PLEKHM2: variants seen among roughly 807,000 people sequenced by gnomAD.
PLEKHM2 encodes pleckstrin homology and RUN domain containing M2.
PLEKHM2 carries 77 observed loss-of-function variants against 116.3 expected under a neutral mutation model. The ratio of observed to expected loss-of-function variants is 0.66; its 90% CI spans 0.55 to 0.80. The LOEUF (loss-of-function observed/expected upper bound fraction) is 0.80. Among genes scored for constraint, PLEKHM2 ranks in the 30% least tolerant of loss-of-function variants. PLEKHM2 has a pLI of 0.00. For synonymous variants in PLEKHM2, 562 were observed against 571.0 expected (o/e 0.98, Z 0.22); for missense variants, 1,183 against 1,354.9 (o/e 0.87, Z 1.99).
chr1:15,725,503 C>A lies in PLEKHM2; in HGVS notation c.899C>A (p.Ala300Asp), dbSNP rs923886520. ...TCTCAGGAGAAGGAGGAGGCCCAGGCCCTGGACCCGCCGGATGCCTGCACG... is the reference window on the plus strand; with the variant it reads ...TCTCAGGAGAAGGAGGAGGCCCAGGACCTGGACCCGCCGGATGCCTGCACG... ...TTSQEKEEAQALDPPDACTEL... is the reference protein window; with the variant it reads ...TTSQEKEEAQDLDPPDACTEL... Residue 300 changes from alanine (A) to aspartate (D), a missense_variant, in exon 8 of 20, where the codon GCC becomes GAC. Ala to Asp is a moderately radical substitution (Grantham distance 126, BLOSUM62 -2). Coordinates refer to ENST00000375799, the MANE Select transcript of PLEKHM2 (RefSeq NM_015164.4). The A allele has an allele frequency of 1.3e-6, 2 of 1,578,292 alleles. No homozygotes were observed. Among genetic ancestry groups the A allele is most frequent in the Admixed American group, 1.8e-5 (1 of 55,258 alleles).
rs761050765 is a variant in PLEKHM2 at position 15,727,112 on chromosome 1, A to G, written c.1040A>G (p.Lys347Arg). The change falls in exon 9 of 20, where the codon AAG (lysine) becomes AGG (arginine). Residue 347 changes from lysine to arginine, a missense_variant. This residue lies in a region of PLEKHM2 where 372 missense variants were observed against 357.2 expected (regional missense o/e 1.04). Coordinates refer to ENST00000375799, the MANE Select transcript of PLEKHM2 (RefSeq NM_015164.4). The surrounding 1 kb of genome is among the most constrained non-coding windows in gnomAD (Gnocchi z 7.5). Reference sequence around the variant, plus strand: ...GCCTGCAGCCAGAAGAAATGTGCCAAGCAGGGGGACGGTGACAGCCGCAAC... The same window carrying G: ...GCCTGCAGCCAGAAGAAATGTGCCAGGCAGGGGGACGGTGACAGCCGCAAC... ...HPACSQKKCA[K>R]QGDGDSRNGS... The G allele has an allele frequency of 1.3e-6, 2 of 1,578,010 alleles. No individual in the cohort carries two copies. The highest frequency in any genetic ancestry group is 1.7e-6 in the Non-Finnish European group (2 of 1,161,342).
Position 15,728,403 on chromosome 1 carries a change from C to A in PLEKHM2, c.1921+46C>A. ...GACAGCGGGTTGTAGACGAGGCTGA[C>A]TCTCAGCCCCTTTTCCCCAGTCCCC... On this transcript the variant is annotated intron_variant, in intron 11 of 19. Coordinates refer to ENST00000375799, the MANE Select transcript of PLEKHM2 (RefSeq NM_015164.4). The surrounding 1 kb of genome is among the most constrained non-coding windows in gnomAD (Gnocchi z 5.9). 1 of 1,521,466 alleles carries A rather than the reference C, an allele frequency of 6.6e-7. No individual in the cohort carries two copies. The highest frequency in any genetic ancestry group is 9.0e-7 in the Non-Finnish European group (1 of 1,105,968). The allele number at this position is 1,521,466 out of a possible 1,614,324, so 94.2% of individuals were successfully genotyped here.
chr1:15,728,205 C>A lies in PLEKHM2; in HGVS notation c.1830+57C>A. 6.2e-7 allele frequency: 1 copy of A among 1,602,132 alleles called. No individual in the cohort carries two copies. Among genetic ancestry groups the A allele is most frequent in the Non-Finnish European group, 8.5e-7 (1 of 1,170,444 alleles). The stretch of plus-strand genomic sequence containing the variant: ...GACGGCAAGGGCAAGGCGGGATGGG[C>A]CACCGCCCCCGCTGGAGCGGCAGGA... On this transcript the variant is annotated intron_variant, in intron 10 of 19. Coordinates refer to ENST00000375799, the MANE Select transcript of PLEKHM2 (RefSeq NM_015164.4). The surrounding 1 kb of genome is among the most constrained non-coding windows in gnomAD (Gnocchi z 5.9).
intron 1 of PLEKHM2, among the ~76,000 whole-genome samples, chr1:15,713,782 C>A (rs894134825): frequency 3.3e-5 from 5 of 151,878 alleles, no homozygotes; most frequent in Non-Finnish European, 7.4e-5. Context: ...ACTACAGGCG[C>A]CTGCCACTAC....
In PLEKHM2 at chr1:15,727,217, C is replaced by G; in HGVS notation, c.1145C>G (p.Thr382Ser). 6.2e-7 allele frequency: 1 copy of G among 1,606,862 alleles called. No individual in the cohort carries two copies. The highest frequency in any genetic ancestry group is 8.5e-7 in the Non-Finnish European group (1 of 1,177,746). Residue 382 changes from threonine (T) to serine (S), a missense_variant, in exon 9 of 20, where the codon ACC becomes AGC. Thr to Ser is a moderately conservative substitution (Grantham distance 58, BLOSUM62 1). Coordinates refer to ENST00000375799, the MANE Select transcript of PLEKHM2 (RefSeq NM_015164.4). This position sits in a 1 kb window ranked among gnomAD's most constrained non-coding sequence, Gnocchi z 7.5. ...PQEEGEGPSS[T>S]TESSERSEPG... Reference sequence around the variant, plus strand: ...GAGGAGGGAGAGGGGCCGAGCAGCACCACGGAGAGCAGCGAGCGCTCCGAG... The same window carrying G: ...GAGGAGGGAGAGGGGCCGAGCAGCAGCACGGAGAGCAGCGAGCGCTCCGAG...
chr1:15,727,075 C>T lies in PLEKHM2; in HGVS notation c.1003C>T (p.Pro335Ser). ...KKSRSDEEAS[P>S]LHPACSQKKC... ...GAGCAGATCAGATGAGGAGGCAAGT[C>T]CACTCCACCCCGCCTGCAGCCAGAA... Residue 335 changes from proline (P) to serine (S), a missense_variant, in exon 9 of 20, where the codon CCA becomes TCA. Physicochemically the swap from Pro to Ser is moderately conservative, Grantham distance 74. Transcript: ENST00000375799. This position sits in a 1 kb window ranked among gnomAD's most constrained non-coding sequence, Gnocchi z 7.5. 1 of 1,516,776 alleles carries T rather than the reference C, an allele frequency of 6.6e-7. No individual in the cohort carries two copies. Among genetic ancestry groups the T allele is most frequent in the Non-Finnish European group, 8.8e-7 (1 of 1,133,910 alleles). The allele number at this position is 1,516,776 out of a possible 1,614,324, so 94.0% of individuals were successfully genotyped here.
intron 1 of PLEKHM2, among the ~76,000 whole-genome samples, chr1:15,704,842 G>A (rs913659853): frequency 2.0e-5 from 3 of 152,176 alleles, no homozygotes; most frequent in Non-Finnish European, 4.4e-5. Context: ...TACTGCCCAC[G>A]TTTTCTGCCC....
At chr1:15,694,606 G>C (rs1640954428) in intron 1 of PLEKHM2, among the ~76,000 whole-genome samples, 1 of 152,114 alleles carries the variant, frequency 6.6e-6, no homozygotes, top group African/African-American at 2.4e-5. Flanking sequence ...ATTTCTGGGA[G>C]AGTCCTTTCC....
In PLEKHM2 at chr1:15,728,758, C is replaced by T. The variant is rs777513485; in HGVS notation, c.1986+25C>T. 21 of 1,588,156 alleles carry T rather than the reference C, an allele frequency of 1.3e-5. No individual in the cohort carries two copies. Among genetic ancestry groups the T allele is most frequent in the East Asian group, 6.8e-5 (3 of 44,050 alleles). On this transcript the variant is annotated intron_variant, in intron 12 of 19. Transcript: ENST00000375799. The surrounding 1 kb of genome is among the most constrained non-coding windows in gnomAD (Gnocchi z 5.9). Reference sequence around the variant, plus strand: ...GGTGAGTCCAGGCCCCGCAGTTGTGCGCCTGCTGTAGGTACAGGGCTTCTC... The same window carrying T: ...GGTGAGTCCAGGCCCCGCAGTTGTGTGCCTGCTGTAGGTACAGGGCTTCTC...
chr1:15,728,776 G>C lies in PLEKHM2; in HGVS notation c.1986+43G>C. ...AGTTGTGCGCCTGCTGTAGGTACAG[G>C]GCTTCTCAAGCCACTTACCCATAGA... On this transcript the variant is annotated intron_variant, in intron 12 of 19. Coordinates refer to ENST00000375799, the MANE Select transcript of PLEKHM2 (RefSeq NM_015164.4). This position sits in a 1 kb window ranked among gnomAD's most constrained non-coding sequence, Gnocchi z 5.9. 1 of 1,538,300 alleles carries C rather than the reference G, an allele frequency of 6.5e-7. No homozygotes were observed. The highest frequency in any genetic ancestry group is 8.9e-7 in the Non-Finnish European group (1 of 1,125,732).
chr1:15,721,454 A>G lies in PLEKHM2; in HGVS notation c.712+66A>G. On this transcript the variant is annotated intron_variant, in intron 7 of 19. Transcript: ENST00000375799. The surrounding 1 kb of genome is among the most constrained non-coding windows in gnomAD (Gnocchi z 5.1). ...AATGTTTCCATGCCAAGCTTGCTGC[A>G]TGTATCAAATCAGCTCCTTATTATT... 1.1e-6 allele frequency: 1 copy of G among 942,020 alleles called. No individual in the cohort carries two copies. 58.4% of individuals were successfully genotyped at this position (942,020 alleles called of 1,614,324 possible). A position where few individuals can be genotyped will look rare whatever the true frequency, so the allele number is the denominator to read the frequency against.
At chr1:15,706,702 C>T (rs1023241310) in intron 1 of PLEKHM2, among the ~76,000 whole-genome samples, 3 of 152,120 alleles carry the variant, frequency 2.0e-5, no homozygotes, top group African/African-American at 4.8e-5. Flanking sequence ...CCACTGTGCC[C>T]GGCTTTTGTA....
chr1:15,710,102 CTGTAGTCCCAGCTACTCGGGAG>C (rs1641301585), intron 1 of PLEKHM2, among the ~76,000 whole-genome samples: 1 of 151,288 alleles, frequency 6.6e-6, no homozygotes, highest in African/African-American at 2.4e-5. Flanking sequence ...TGGCGGGCGC[CTGTAGTCCCAGCTACTCGGGAG>C]GCTGAGGCAG....
intron 1 of PLEKHM2, among the ~76,000 whole-genome samples, chr1:15,691,945 CAAAAAT>C (rs754474752): frequency 4.0e-5 from 6 of 151,884 alleles, no homozygotes; most frequent in African/African-American, 1.5e-4. Flanking sequence ...CCTGTGTCTT[CAAAAAT>C]AAAAATAAAA....
Position 15,731,898 on chromosome 1 carries a change from G to C in PLEKHM2, c.2475G>C (p.Gln825His). The C allele has an allele frequency of 6.2e-7, 1 of 1,610,984 alleles. No homozygotes were observed. The highest frequency in any genetic ancestry group is 8.5e-7 in the Non-Finnish European group (1 of 1,179,098). Residue 825 changes from glutamine (Q) to histidine (H), a missense_variant, in exon 17 of 20, where the codon CAG (glutamine) becomes CAC (histidine). Gln to His is a conservative substitution (Grantham distance 24). Transcript: ENST00000375799. ...TCCTCCTCTGGCCCAGGGGGGAGCA[G>C]TGCGGTGGCTGCCGGAGAGCCAACA... Reference protein sequence around the residue: ...PLLSVNMGGEQCGGCRRANTT... With the variant: ...PLLSVNMGGEHCGGCRRANTT...
At position 15,718,579 on chromosome 1, in the gene PLEKHM2, T is replaced by G; in HGVS notation, c.419T>G (p.Leu140Arg). The G allele has an allele frequency of 6.3e-7, 1 of 1,579,512 alleles. No homozygotes were observed. The highest frequency in any genetic ancestry group is 8.6e-7 in the Non-Finnish European group (1 of 1,161,294). ...AGCCACGATCACCTGACGCTCTTCC[T>G]GACCTTGGTGTCCGGGCTAGAGTTC... ...VCSHDHLTLF[L>R]TLVSGLEFIR... The change falls in exon 5 of 20, where the codon CTG becomes CGG. Residue 140 changes from leucine (L) to arginine (R), a missense_variant. Around this residue, in one of 3 missense-constraint regions of PLEKHM2, gnomAD observed 217 missense variants for 277.6 expected, o/e 0.78. Transcript: ENST00000375799.
Position 15,684,637 on chromosome 1 carries a change from C to T in PLEKHM2, c.60+19C>T. 1 of 1,252,994 alleles carries T rather than the reference C, an allele frequency of 8.0e-7. No individual in the cohort carries two copies. 77.6% of individuals were successfully genotyped at this position (1,252,994 alleles called of 1,614,324 possible). On this transcript the variant is annotated intron_variant, in intron 1 of 19. Coordinates refer to ENST00000375799, the MANE Select transcript of PLEKHM2 (RefSeq NM_015164.4). Reference sequence around the variant, plus strand: ...GAAGAAGGTGAGCGCGGCCTCCCTCCCGGCCGGGGCCCCTTCCTCGCCGCG... The same window carrying T: ...GAAGAAGGTGAGCGCGGCCTCCCTCTCGGCCGGGGCCCCTTCCTCGCCGCG...
rs760573555 is a variant in PLEKHM2, at chr1:15,732,672, T to C, written c.2866T>C (p.Ser956Pro). 3.1e-6 allele frequency: 5 copies of C among 1,610,870 alleles called. No homozygotes were observed. The highest frequency in any genetic ancestry group is 4.2e-6 in the Non-Finnish European group (5 of 1,178,724). ...CTGGGTCATCTACCTGAGCTGCACT[T>C]CTGAACTGGACCGATTGCTGTCTGC... is the stretch of plus-strand genomic sequence containing the variant. ...PPWVIYLSCT[S>P]ELDRLLSALN... The change falls in exon 19 of 20, where the codon TCT (serine) becomes CCT (proline). Residue 956 changes from serine (S) to proline (P), a missense_variant. By Grantham distance (74) the Ser-to-Pro change is moderately conservative (BLOSUM62 -1). Coordinates refer to ENST00000375799, the MANE Select transcript of PLEKHM2 (RefSeq NM_015164.4).
chr1:15,689,911 T>A (rs1452815984), intron 1 of PLEKHM2, among the ~76,000 whole-genome samples: 1 of 151,912 alleles, frequency 6.6e-6, no homozygotes, highest in Admixed American at 6.6e-5. Context: ...CATGAGCCAC[T>A]ACGCCTGGCT....
Sources: gnomAD v4.1 joint callset for allele counts (sites outside exome capture counted in the v4.1 genomes callset) on GRCh38, gnomAD v4.1.1 for gene constraint, gnomAD v4.1.1 regional missense constraint, Gnocchi (gnomAD v3.1) non-coding constraint, MANE v1.5 for transcripts, NCBI Gene and HGNC (gene_info 2026-07-23, HGNC 2026-07-21) for gene names.